Variants in SNAP91 observed in about 807,000 individuals in gnomAD.
SNAP91 encodes the protein synaptosome associated protein 91, also known as clathrin coat assembly protein AP180.
Under a neutral mutation model 100.3 loss-of-function variants are expected in SNAP91, and 27 were observed. That is an observed-to-expected ratio of 0.27 (90% CI 0.20 to 0.37). The LOEUF (loss-of-function observed/expected upper bound fraction) is 0.37, where lower values mean the gene tolerates loss of function less well. Among genes scored for constraint, SNAP91 ranks in the 10% least tolerant of loss-of-function variants. The pLI is 1.00. For missense variants in SNAP91, 986 were observed against 1,123.7 expected (o/e 0.88, Z 1.75); for synonymous variants, 404 against 398.6 (o/e 1.01, Z -0.16).
chr6:83,608,678 A>C (rs1261814530), intron 12 of SNAP91, among the ~76,000 whole-genome samples: 1 of 152,160 alleles, frequency 6.6e-6, no homozygotes, highest in Non-Finnish European at 1.5e-5. Flanking sequence ...ACATAAAGGA[A>C]GTTTTAAAAA....
chr6:83,576,186 T>C (rs1253813602), intron 24 of SNAP91, 133 bp from the exon 25 acceptor site: 2 of 497,698 alleles, frequency 4.0e-6, no homozygotes, highest in Admixed American at 4.3e-5. Context: ...CATTCAGTTA[T>C]ACAGAAAAGA....
intron 2 of SNAP91, among the ~76,000 whole-genome samples, chr6:83,705,812 GAAA>G (rs535532143): frequency 3.7e-5 from 5 of 133,642 alleles, no homozygotes; most frequent in African/African-American, 1.4e-4. Context: ...CTCACAAAGA[GAAA>G]AAAAAAAAGC....
At position 83,552,978 on chromosome 6, in the gene SNAP91, T is replaced by C. The variant is rs1449428323; in HGVS notation, c.*1318A>G. 3.3e-5 allele frequency: 5 copies of C among 152,598 alleles called. No homozygotes were observed. The highest frequency in any genetic ancestry group is 1.2e-4 in the African/African-American group (5 of 41,440). The allele number at this position is 152,598 out of a possible 1,614,324, so 9.5% of individuals were successfully genotyped here. A position where few individuals can be genotyped will look rare whatever the true frequency, so the allele number is the denominator to read the frequency against. On this transcript the variant is annotated 3_prime_UTR_variant, in exon 30 of 30. Coordinates refer to ENST00000369694, the MANE Select transcript of SNAP91 (RefSeq NM_001242792.2). The stretch of plus-strand genomic sequence containing the variant: ...AAATACAAAGAAAGCCATTTTGAAA[T>C]TGGTTTTAGGTAATTTTTCCCCATT...
intron 2 of SNAP91, among the ~76,000 whole-genome samples, chr6:83,696,618 C>A (rs217288): frequency 0.2 from 30,651 of 152,082 alleles, 3,863 homozygotes; most frequent in East Asian, 0.4. Flanking sequence ...CCTCTTCCTA[C>A]ACAGCATTCT....
intron 14 of SNAP91, among the ~76,000 whole-genome samples, chr6:83,604,083 A>T (rs2095464479): frequency 6.6e-6 from 1 of 152,146 alleles, no homozygotes; most frequent in Non-Finnish European, 1.5e-5. Context: ...AAATTTTTTA[A>T]AAAAAGATAA....
At chr6:83,566,129 T>TA (rs1796271202) in intron 26 of SNAP91, among the ~76,000 whole-genome samples, 1 of 152,166 alleles carries the variant, frequency 6.6e-6, no homozygotes, top group Non-Finnish European at 1.5e-5. Flanking sequence ...GGAGTACTGA[T>TA]ACATGCTTCG....
At chr6:83,653,823 A>T (rs2098300932) in intron 7 of SNAP91, among the ~76,000 whole-genome samples, 1 of 152,066 alleles carries the variant, frequency 6.6e-6, no homozygotes, top group Non-Finnish European at 1.5e-5. Flanking sequence ...CTGGACTGTG[A>T]ACTTCACAAA....
intron 2 of SNAP91, among the ~76,000 whole-genome samples, chr6:83,670,401 G>A (rs933886784): frequency 3.3e-5 from 5 of 150,516 alleles, no homozygotes; most frequent in African/African-American, 1.2e-4. Context: ...TATTTTTATT[G>A]GATTATTTTA....
chr6:83,686,358 T>C (rs1485272505), intron 2 of SNAP91: 1 of 198,296 alleles, frequency 5.0e-6, no homozygotes, highest in Non-Finnish European at 9.0e-6. Context: ...AATTCACTAC[T>C]TAGTTTTTTA....
intron 14 of SNAP91, among the ~76,000 whole-genome samples, chr6:83,603,449 T>C (rs2095411495): frequency 6.6e-6 from 1 of 152,056 alleles, no homozygotes; most frequent in African/African-American, 2.4e-5. Context: ...GGCTGGACTC[T>C]TAACTACTGG....
chr6:83,610,714 T>G (rs759523357), intron 11 of SNAP91, 37 bp from the exon 12 acceptor site: 2 of 131,426 alleles, frequency 1.5e-5, no homozygotes, highest in South Asian at 3.9e-4. Context: ...AAACTGAATA[T>G]ATATATATAT....
rs551654776 is a variant in SNAP91, at chr6:83,682,914, TTTC to T, written c.131-17336_131-17334del. Among the ~76,000 whole-genome samples the T allele has an allele frequency of 7.1e-4, 108 of 152,184 alleles. 1 individual carries two copies. Among genetic ancestry groups the T allele is most frequent in the African/African-American group, 2.4e-3 (98 of 41,532 alleles). ...ATCTCACACCTTCTCTTTGTCTCCA[TTTC>T]TTCACTCAAGACTTGGGACATCATT... On this transcript the variant is annotated intron_variant, in intron 2 of 29. Transcript: ENST00000369694.
intron 8 of SNAP91, among the ~76,000 whole-genome samples, chr6:83,627,394 T>C (rs2096980787): frequency 6.6e-6 from 1 of 152,224 alleles, no homozygotes; most frequent in African/African-American, 2.4e-5. Context: ...TCCCTCCTTC[T>C]CAATTCATTG....
chr6:83,641,209 A>C lies in SNAP91; in HGVS notation c.659-7T>G. ...TTCATTTCAAAAAACTTTTCTAGAG[A>C]AGATAAAGAGATAAGCAATTTGAAA... On this transcript the variant is annotated splice_region_variant and splice_polypyrimidine_tract_variant and intron_variant, in intron 7 of 29. Transcript: ENST00000369694. 7.8e-7 allele frequency: 1 copy of C among 1,289,800 alleles called. No homozygotes were observed. The highest frequency in any genetic ancestry group is 1.5e-5 in the South Asian group (1 of 68,666). The allele number at this position is 1,289,800 out of a possible 1,614,324, so 79.9% of individuals were successfully genotyped here.
At chr6:83,665,334 C>A in intron 3 of SNAP91, 105 bp downstream of exon 3, 3 of 1,122,590 alleles carry the variant, frequency 2.7e-6, no homozygotes, top group Non-Finnish European at 3.8e-6. Context: ...ATTTCCTTTT[C>A]TTTTTCTCCT....
At chr6:83,616,416 G>T (rs1249036339) in intron 10 of SNAP91, among the ~76,000 whole-genome samples, 1 of 152,068 alleles carries the variant, frequency 6.6e-6, no homozygotes, top group African/African-American at 2.4e-5. Flanking sequence ...CAAACACAGA[G>T]GTATGAAAAT....
At chr6:83,656,955 A>C (rs1013846710) in intron 6 of SNAP91, 90 bp from the exon 7 acceptor site, 23 of 604,858 alleles carry the variant, frequency 3.8e-5, no homozygotes, top group Non-Finnish European at 5.2e-5. Flanking sequence ...ATGACTACTA[A>C]GAAATTCATG....
At chr6:83,591,380 G>A (rs2093722996) in intron 21 of SNAP91, 86 bp from the exon 22 acceptor site, 1 of 861,130 alleles carries the variant, frequency 1.2e-6, no homozygotes, top group Non-Finnish European at 2.0e-6. Context: ...GTAGAGAAAT[G>A]CAGAGACATG....
intron 2 of SNAP91, among the ~76,000 whole-genome samples, chr6:83,695,214 T>C (rs964589548): frequency 5.2e-5 from 7 of 133,584 alleles, no homozygotes; most frequent in Admixed American, 3.5e-4. Flanking sequence ...GAGGCAGAGG[T>C]TGCAATGAAC....
Sources: allele counts gnomAD v4.1 joint callset (sites outside exome capture counted in the v4.1 genomes callset), GRCh38; gene constraint gnomAD v4.1.1; transcripts MANE v1.5; gene names NCBI Gene and HGNC (gene_info 2026-07-23, HGNC 2026-07-21).